Variants in ZDHHC3 observed in about 807,000 individuals in gnomAD.
ZDHHC3 encodes the protein palmitoyltransferase ZDHHC3.
In ZDHHC3, 9 loss-of-function variants were observed where a neutral mutation model predicts 30.6. The observed-to-expected ratio is 0.29, with a 90% CI of 0.18 to 0.51. ZDHHC3 has a LOEUF of 0.51. Among genes scored for constraint, ZDHHC3 ranks in the 20% least tolerant of loss-of-function variants. The pLI is 0.97. For missense variants in ZDHHC3, 246 were observed against 384.2 expected (o/e 0.64, Z 3.01); for synonymous variants, 136 against 140.2 (o/e 0.97, Z 0.21).
At chr3:44,948,550 T>G (rs1487938602) in intron 2 of ZDHHC3, among the ~76,000 whole-genome samples, 1 of 152,130 alleles carries the variant, frequency 6.6e-6, no homozygotes, top group African/African-American at 2.4e-5. Context: ...ATACAGCTGG[T>G]GGGTGGACAG....
chr3:44,975,234 T>C (rs1262875565), intron 1 of ZDHHC3: 1 of 152,208 alleles, frequency 6.6e-6, no homozygotes, highest in African/African-American at 2.4e-5. Flanking sequence ...GTTCCTTTGG[T>C]GACCCCAGCT....
At chr3:44,936,069 A>C (rs1337748474) in intron 3 of ZDHHC3, among the ~76,000 whole-genome samples, 1 of 152,250 alleles carries the variant, frequency 6.6e-6, no homozygotes, top group African/African-American at 2.4e-5. Context: ...CAGAGTAAAC[A>C]GACAACCTAC....
chr3:44,922,745 G>C lies in ZDHHC3; in HGVS notation c.*3944C>G. ...GCTGCTGGGCCCCGCTCGGTTTCTG[G>C]TTCGGTAGCCTGGGGTGGGGACCGA... On this transcript the variant is annotated 3_prime_UTR_variant, in exon 7 of 7. Transcript: ENST00000424952. The C allele has an allele frequency of 1.0e-6, 1 of 984,704 alleles. No homozygotes were observed. Among genetic ancestry groups the C allele is most frequent in the Non-Finnish European group, 1.2e-6 (1 of 829,308 alleles). 61.0% of individuals were successfully genotyped at this position (984,704 alleles called of 1,614,324 possible).
intron 2 of ZDHHC3, 173 bp from the exon 3 acceptor site, chr3:44,945,465 T>C (rs1054377160): frequency 3.7e-5 from 35 of 952,882 alleles, no homozygotes; most frequent in Middle Eastern, 6.7e-4. Flanking sequence ...TTAAGGAATA[T>C]TTATTGACCA....
chr3:44,921,967 C>T lies in ZDHHC3; in HGVS notation c.*4722G>A, dbSNP rs1486663666. ...TCCTCACTCCTTGGATCAGCTTCAT[C>T]GGCTCCTCCTGTGGGCCCAACAGAG... On this transcript the variant is annotated 3_prime_UTR_variant, in exon 7 of 7. Coordinates refer to ENST00000424952, the MANE Select transcript of ZDHHC3 (RefSeq NM_001135179.2). The T allele has an allele frequency of 5.1e-6, 5 of 985,328 alleles. No homozygotes were observed. Among genetic ancestry groups the T allele is most frequent in the East Asian group, 1.1e-4 (1 of 8,824 alleles). The allele number at this position is 985,328 out of a possible 1,614,324, so 61.0% of individuals were successfully genotyped here.
At position 44,970,266 on chromosome 3, in the gene ZDHHC3, G is replaced by A. The variant is rs369166135; in HGVS notation, c.-25+5667C>T. ...GGGACCACAGAAAGAAGGCTGTAAT[G>A]GGCTGTGAGAAAGAGAACACAGCCC... On this transcript the variant is annotated intron_variant, in intron 1 of 6. Coordinates refer to ENST00000424952, the MANE Select transcript of ZDHHC3 (RefSeq NM_001135179.2). 1.5e-3 allele frequency among the ~76,000 whole-genome samples: 231 copies of A among 152,324 alleles called. 1 individual carries two copies. The highest frequency in any genetic ancestry group is 5.2e-3 in the African/African-American group (218 of 41,562).
intron 2 of ZDHHC3, among the ~76,000 whole-genome samples, chr3:44,957,888 A>G (rs1704093873): frequency 2.0e-5 from 3 of 152,210 alleles, no homozygotes; most frequent in African/African-American, 7.2e-5. Flanking sequence ...CTATGAACTG[A>G]GCAAAGCAAT....
intron 2 of ZDHHC3, among the ~76,000 whole-genome samples, chr3:44,953,775 C>G (rs528386878): frequency 6.6e-6 from 1 of 152,298 alleles, no homozygotes; most frequent in South Asian, 2.1e-4. Flanking sequence ...TGCTCGGGGG[C>G]AGGGGTGAGA....
At position 44,923,542 on chromosome 3, in the gene ZDHHC3, C is replaced by T. The variant is rs528506209; in HGVS notation, c.*3147G>A. 5 of 985,346 alleles carry T rather than the reference C, an allele frequency of 5.1e-6. No individual in the cohort carries two copies. In the South Asian group the frequency reaches 1.9e-4, roughly 37 times the overall value. 61.0% of individuals were successfully genotyped at this position (985,346 alleles called of 1,614,324 possible). On this transcript the variant is annotated 3_prime_UTR_variant, in exon 7 of 7. Coordinates refer to ENST00000424952, the MANE Select transcript of ZDHHC3 (RefSeq NM_001135179.2). ...CAGGGCTGGGCCCAGTGGCTCACGC[C>T]TGTAATCCCAGGACTTTGGGAGGCT...
At chr3:44,952,768 A>C (rs1703579676) in intron 2 of ZDHHC3, among the ~76,000 whole-genome samples, 1 of 152,178 alleles carries the variant, frequency 6.6e-6, no homozygotes, top group Admixed American at 6.5e-5. Context: ...CCAAATTAAA[A>C]TGCACCCAGG....
intron 2 of ZDHHC3, among the ~76,000 whole-genome samples, chr3:44,950,404 A>G (rs1703341556): frequency 6.6e-6 from 1 of 152,236 alleles, no homozygotes; most frequent in African/African-American, 2.4e-5. Context: ...AAAGACTGCA[A>G]GAGGAAACCT....
At position 44,975,911 on chromosome 3, in the gene ZDHHC3, CCA is replaced by C; in HGVS notation, c.-25+20_-25+21del. 1 of 220,896 alleles carries C rather than the reference CCA, an allele frequency of 4.5e-6. No individual in the cohort carries two copies. The highest frequency in any genetic ancestry group is 1.1e-4 in the South Asian group (1 of 9,170). 13.7% of individuals were successfully genotyped at this position (220,896 alleles called of 1,614,324 possible). The stretch of plus-strand genomic sequence containing the variant: ...TCACCCCAGCTTCTTCACCCCTACC[CCA>C]GTTTCCCTTCCCAACTGACCGTGAA... On this transcript the variant is annotated intron_variant, in intron 1 of 6. Coordinates refer to ENST00000424952, the MANE Select transcript of ZDHHC3 (RefSeq NM_001135179.2).
chr3:44,930,705 A>T (rs1294997256), intron 5 of ZDHHC3, among the ~76,000 whole-genome samples: 1 of 152,246 alleles, frequency 6.6e-6, no homozygotes, highest in Non-Finnish European at 1.5e-5. Context: ...CATCTCATCC[A>T]CAATGCATAT....
rs1385331858 is a variant in ZDHHC3 at position 44,926,570 on chromosome 3, TAAAA to T, written c.*115_*118del. The T allele has an allele frequency of 6.1e-5, 78 of 1,270,644 alleles. No individual in the cohort carries two copies. Among genetic ancestry groups the T allele is most frequent in the Non-Finnish European group, 7.0e-5 (70 of 1,002,096 alleles). The allele number at this position is 1,270,644 out of a possible 1,614,324, so 78.7% of individuals were successfully genotyped here. A position where few individuals can be genotyped will look rare whatever the true frequency, so the allele number is the denominator to read the frequency against. Reference sequence around the variant, plus strand: ...ATGCTCAGCCATTTTACTTGAGACATAAAAAAAGTTTTAAGAGTAGTTGTTTTGC... The same window carrying T: ...ATGCTCAGCCATTTTACTTGAGACATAAAGTTTTAAGAGTAGTTGTTTTGC... On this transcript the variant is annotated 3_prime_UTR_variant, in exon 7 of 7. Coordinates refer to ENST00000424952, the MANE Select transcript of ZDHHC3 (RefSeq NM_001135179.2).
At position 44,926,141 on chromosome 3, in the gene ZDHHC3, C is replaced by T. The variant is rs934556446; in HGVS notation, c.*548G>A. On this transcript the variant is annotated 3_prime_UTR_variant, in exon 7 of 7. Coordinates refer to ENST00000424952, the MANE Select transcript of ZDHHC3 (RefSeq NM_001135179.2). ...TGCGAGTTAGCAGGCAAACCGTGTC[C>T]ACTTGGGGGATGAGGTCGCTGTGCC... The T allele has an allele frequency of 4.1e-6, 4 of 985,856 alleles. No homozygotes were observed. The African/African-American group carries it at 5.2e-5, about 13-fold the overall frequency. The allele number at this position is 985,856 out of a possible 1,614,324, so 61.1% of individuals were successfully genotyped here.
intron 3 of ZDHHC3, 130 bp from the exon 4 acceptor site, chr3:44,934,114 G>A: frequency 1.1e-6 from 1 of 877,652 alleles, no homozygotes; most frequent in Non-Finnish European, 1.9e-6. Flanking sequence ...CAGGGGTTTT[G>A]CTGGGTGTGT....
chr3:44,941,913 T>C (rs555348953), intron 3 of ZDHHC3, among the ~76,000 whole-genome samples: 11 of 152,366 alleles, frequency 7.2e-5, no homozygotes, highest in African/African-American at 2.6e-4. Flanking sequence ...GCCATGGCCA[T>C]CCACATTAGC....
At chr3:44,944,321 T>C (rs1344966938) in intron 3 of ZDHHC3, among the ~76,000 whole-genome samples, 1 of 152,088 alleles carries the variant, frequency 6.6e-6, no homozygotes, top group Non-Finnish European at 1.5e-5. Context: ...TAATTTTGTA[T>C]CTTTAGTAAA....
intron 3 of ZDHHC3, among the ~76,000 whole-genome samples, chr3:44,944,916 T>A (rs2125865749): frequency 6.6e-6 from 1 of 152,322 alleles, no homozygotes; most frequent in South Asian, 2.1e-4. Context: ...ATGTCAGGTG[T>A]GGCAGAGCCA....
Sources: gnomAD v4.1 joint callset for allele counts (sites outside exome capture counted in the v4.1 genomes callset) on GRCh38, gnomAD v4.1.1 for gene constraint, MANE v1.5 for transcripts, NCBI Gene and HGNC (gene_info 2026-07-23, HGNC 2026-07-21) for gene names.